Variants in ADGRD1 observed in about 807,000 individuals in gnomAD.
ADGRD1 encodes the protein G-protein coupled receptor 133.
In ADGRD1, 77 loss-of-function variants were observed where a neutral mutation model predicts 113.4. The observed-to-expected ratio is 0.68, with a 90% CI of 0.57 to 0.82. The LOEUF is 0.82. Among genes scored for constraint, ADGRD1 ranks in the 40% least tolerant of loss-of-function variants. ADGRD1 has a pLI of 0.00. For synonymous variants in ADGRD1, 474 were observed against 475.0 expected, an observed-to-expected ratio of 1.00 and a Z score of 0.03; for missense variants, 1,036 against 1,139.1, an observed-to-expected ratio of 0.91 and a Z score of 1.30.
intron 13 of ADGRD1, among the ~76,000 whole-genome samples, chr12:131,025,123 A>G (rs1879799392): frequency 6.6e-6 from 1 of 152,376 alleles, no homozygotes; most frequent in Non-Finnish European, 1.5e-5. Context: ...GTGGATTAAA[A>G]TGCAGTCCCC....
At chr12:131,100,521 G>GT (rs1950044815) in intron 15 of ADGRD1, among the ~76,000 whole-genome samples, 1 of 152,002 alleles carries the variant, frequency 6.6e-6, no homozygotes, top group African/African-American at 2.4e-5. Flanking sequence ...TTGTTTGAAC[G>GT]TAAGGTTGGT....
At chr12:131,064,230 A>G (rs1302939353) in intron 13 of ADGRD1, among the ~76,000 whole-genome samples, 4 of 152,218 alleles carry the variant, frequency 2.6e-5, no homozygotes, top group African/African-American at 9.7e-5. Context: ...GAGACCAGAC[A>G]TCTTTGCTTA....
At position 131,075,547 on chromosome 12, in the gene ADGRD1, G is replaced by A. The variant is rs1593168798; in HGVS notation, c.1474-1254G>A. 6.6e-6 allele frequency among the ~76,000 whole-genome samples: 1 copy of A among 152,200 alleles called. No homozygotes were observed. The highest frequency in any genetic ancestry group is 1.5e-5 in the Non-Finnish European group (1 of 68,036). ...GGGGGACAAAGCAAAAAGAGTAAAC[G>A]TTCCATTTTGCCAAAACATTAGTAG... On this transcript the variant is annotated intron_variant, in intron 13 of 24. Transcript: ENST00000261654. The surrounding 1 kb of genome is among the most constrained non-coding windows in gnomAD (Gnocchi z 5.3).
intron 17 of ADGRD1, 29 bp from the exon 18 acceptor site, chr12:131,108,695 C>T (rs776798361): frequency 8.7e-6 from 14 of 1,614,086 alleles, no homozygotes; most frequent in Non-Finnish European, 1.1e-5. Context: ...CCAGAGCTGT[C>T]TCACTTCCCA....
At chr12:131,071,520 C>G (rs956294687) in intron 13 of ADGRD1, among the ~76,000 whole-genome samples, 1 of 152,138 alleles carries the variant, frequency 6.6e-6, no homozygotes, top group Non-Finnish European at 1.5e-5. Flanking sequence ...GGTTAATTCT[C>G]TGGTTTGTCT....
intron 12 of ADGRD1, among the ~76,000 whole-genome samples, chr12:131,008,997 C>T (rs974327581): frequency 6.6e-6 from 1 of 152,216 alleles, no homozygotes; most frequent in Non-Finnish European, 1.5e-5. Context: ...CTGACCCAGG[C>T]AGAAGCTATC....
chr12:131,081,194 A>G (rs1355002729), intron 14 of ADGRD1, among the ~76,000 whole-genome samples: 1 of 152,056 alleles, frequency 6.6e-6, no homozygotes, highest in African/African-American at 2.4e-5. Flanking sequence ...TTTCTTTTAG[A>G]CTGCATGTAG....
In ADGRD1 at chr12:131,003,158, T is replaced by C; in HGVS notation, c.1027-27T>C. 6.4e-7 allele frequency: 1 copy of C among 1,568,194 alleles called. No individual in the cohort carries two copies. Among genetic ancestry groups the C allele is most frequent in the African/African-American group, 1.3e-5 (1 of 74,100 alleles). ...CCTGGCTGAGTGGGGTGGATTTTCA[T>C]GGCTCCTGGTGCTTGTGTTGCTGCA... On this transcript the variant is annotated intron_variant, in intron 9 of 24. Transcript: ENST00000261654. The surrounding 1 kb of genome is among the most constrained non-coding windows in gnomAD (Gnocchi z 4.8).
intron 17 of ADGRD1, among the ~76,000 whole-genome samples, chr12:131,107,391 G>T (rs562138595): frequency 6.6e-6 from 1 of 150,798 alleles, no homozygotes; most frequent in Non-Finnish European, 1.5e-5. Context: ...CCAGAGACCC[G>T]TGTCTAAATC....
chr12:131,109,634 G>T (rs1950307816), intron 18 of ADGRD1, among the ~76,000 whole-genome samples: 1 of 152,102 alleles, frequency 6.6e-6, no homozygotes, highest in Non-Finnish European at 1.5e-5. Context: ...CTGTATTAGG[G>T]TTTGTTTTAT....
chr12:131,051,758 T>C (rs965897198), intron 13 of ADGRD1, among the ~76,000 whole-genome samples: 1 of 152,214 alleles, frequency 6.6e-6, no homozygotes, highest in African/African-American at 2.4e-5. Flanking sequence ...AGTGCTGGGA[T>C]TTCAGGTGTG....
chr12:131,019,290 G>C (rs1879019648), intron 13 of ADGRD1, among the ~76,000 whole-genome samples: 1 of 152,144 alleles, frequency 6.6e-6, no homozygotes, highest in Non-Finnish European at 1.5e-5. Context: ...GGGCAGAGCG[G>C]GTCTCCAGGG....
At chr12:131,007,306 G>C (rs1388899460) in intron 12 of ADGRD1, among the ~76,000 whole-genome samples, 1 of 152,216 alleles carries the variant, frequency 6.6e-6, no homozygotes, top group African/African-American at 2.4e-5. Context: ...CAGGGTGAAG[G>C]CAGCCAGAGA....
chr12:131,011,364 C>T (rs1877871871), intron 12 of ADGRD1, among the ~76,000 whole-genome samples: 1 of 151,734 alleles, frequency 6.6e-6, no homozygotes, highest in African/African-American at 2.4e-5. Flanking sequence ...TCCAGATTTG[C>T]TCTCATATCA....
At chr12:131,132,915 A>G (rs1950974701) in intron 21 of ADGRD1, among the ~76,000 whole-genome samples, 1 of 152,206 alleles carries the variant, frequency 6.6e-6, no homozygotes. Flanking sequence ...GTGAAAGCAA[A>G]AGTGGCAAAT....
chr12:131,008,003 T>C (rs1005903885), intron 12 of ADGRD1, among the ~76,000 whole-genome samples: 1 of 152,198 alleles, frequency 6.6e-6, no homozygotes, highest in Non-Finnish European at 1.5e-5. Flanking sequence ...AAGAGTTTGG[T>C]TCACAGGTGC....
At chr12:130,989,249 TCAAA>T (rs1350252613) in intron 6 of ADGRD1, 2 of 152,248 alleles carry the variant, frequency 1.3e-5, no homozygotes, top group African/African-American at 4.8e-5. Context: ...ATGAAAAGCT[TCAAA>T]CAAAGCCTGC....
At chr12:131,097,453 C>T (rs960204531) in intron 15 of ADGRD1, among the ~76,000 whole-genome samples, 2 of 152,252 alleles carry the variant, frequency 1.3e-5, no homozygotes, top group African/African-American at 2.4e-5. Context: ...TTCTACCTGT[C>T]CCCGGGCTGT....
At chr12:131,104,724 C>A in intron 15 of ADGRD1, 107 bp from the exon 16 acceptor site, 1 of 677,814 alleles carries the variant, frequency 1.5e-6, no homozygotes, top group Non-Finnish European at 2.5e-6. Flanking sequence ...GTGGTCAGCA[C>A]CACACTCACA....
Sources: allele counts gnomAD v4.1 joint callset (sites outside exome capture counted in the v4.1 genomes callset), GRCh38; gene constraint gnomAD v4.1.1; non-coding constraint Gnocchi (gnomAD v3.1); transcripts MANE v1.5; gene names NCBI Gene and HGNC (gene_info 2026-07-23, HGNC 2026-07-21).